Variants in TRAPPC9 observed in about 807,000 individuals in gnomAD.
TRAPPC9 encodes the protein trafficking protein particle complex subunit 9, also known as IKK2 binding protein.
TRAPPC9 carries 83 observed loss-of-function variants against 124.0 expected under a neutral mutation model. The observed-to-expected ratio is 0.67, with a 90% CI of 0.56 to 0.80. The LOEUF (loss-of-function observed/expected upper bound fraction) is 0.80, where lower values mean the gene tolerates loss of function less well. Among genes scored for constraint, TRAPPC9 ranks in the 30% least tolerant of loss-of-function variants. The probability of loss-of-function intolerance (pLI) is 0.00; values close to 1 mark genes in which losing one functional copy is unlikely to be tolerated. For missense variants in TRAPPC9, 1,302 were observed against 1,508.3 expected, an observed-to-expected ratio of 0.86 and a Z score of 2.27; for synonymous variants, 638 against 617.5, an observed-to-expected ratio of 1.03 and a Z score of -0.49.
intron 7 of TRAPPC9, among the ~76,000 whole-genome samples, chr8:140,393,177 T>C (rs2068982470): frequency 6.6e-6 from 1 of 152,070 alleles, no homozygotes; most frequent in Admixed American, 6.6e-5. Context: ...GTTCAAGCGA[T>C]TCTCCTCCCT....
At chr8:139,749,852 G>A (rs1244352095) in intron 21 of TRAPPC9, among the ~76,000 whole-genome samples, 1 of 152,212 alleles carries the variant, frequency 6.6e-6, no homozygotes, top group African/African-American at 2.4e-5. Context: ...GCACCTCCCT[G>A]CTGAGACTCT....
At chr8:139,766,880 C>T (rs1820618731) in intron 21 of TRAPPC9, among the ~76,000 whole-genome samples, 1 of 152,276 alleles carries the variant, frequency 6.6e-6, no homozygotes, top group African/African-American at 2.4e-5. Context: ...GAGGGAATTG[C>T]TGTCTTGTGC....
At chr8:140,033,597 C>T (rs1038192049) in intron 17 of TRAPPC9, among the ~76,000 whole-genome samples, 1 of 132,986 alleles carries the variant, frequency 7.5e-6, no homozygotes, top group African/African-American at 2.8e-5. Context: ...AGTTAGAATA[C>T]AAAATTTGTC....
intron 10 of TRAPPC9, among the ~76,000 whole-genome samples, chr8:140,301,439 G>A (rs928465533): frequency 1.3e-5 from 2 of 152,196 alleles, no homozygotes; most frequent in African/African-American, 4.8e-5. Context: ...TCATCAATAA[G>A]GAAACTCACG....
At chr8:140,198,340 A>G (rs2062713738) in intron 17 of TRAPPC9, among the ~76,000 whole-genome samples, 1 of 152,222 alleles carries the variant, frequency 6.6e-6, no homozygotes, top group Non-Finnish European at 1.5e-5. Flanking sequence ...GGAGTCACGC[A>G]GATGGAGGCT....
intron 7 of TRAPPC9, among the ~76,000 whole-genome samples, chr8:140,384,944 A>C (rs967448140): frequency 4.6e-5 from 7 of 152,242 alleles, no homozygotes; most frequent in African/African-American, 1.7e-4. Context: ...GCAAAGGTAA[A>C]AGAACAGAAA....
chr8:139,764,822 C>T (rs1432388843), intron 21 of TRAPPC9, among the ~76,000 whole-genome samples: 1 of 152,190 alleles, frequency 6.6e-6, no homozygotes, highest in East Asian at 1.9e-4. Context: ...CCGGTGCATC[C>T]AGTCTGCAGA....
chr8:140,249,342 G>A (rs2064069736), intron 16 of TRAPPC9, among the ~76,000 whole-genome samples: 1 of 152,092 alleles, frequency 6.6e-6, no homozygotes, highest in Non-Finnish European at 1.5e-5. Context: ...CATCCACGTT[G>A]CTGCAAAGGC....
At position 140,081,346 on chromosome 8, in the gene TRAPPC9, C is replaced by CATTTTTTTTT. The variant is rs35254769; in HGVS notation, c.2557-57268_2557-57267insAAAAAAAAAT. 2.1e-5 allele frequency among the ~76,000 whole-genome samples: 3 copies of CATTTTTTTTT among 141,050 alleles called. 1 individual carries two copies. The highest frequency in any genetic ancestry group is 3.0e-5 in the Non-Finnish European group (2 of 66,052). 92.5% of individuals were successfully genotyped at this position (141,050 alleles called of 152,430 possible). ...GTCAAGGTGAAGAATAAAATGAATGCTTTTTTTTTTTTTTTTTGAGACAGA... is the reference window on the plus strand; with the variant it reads ...GTCAAGGTGAAGAATAAAATGAATGCATTTTTTTTTTTTTTTTTTTTTTTTTTGAGACAGA... On this transcript the variant is annotated intron_variant, in intron 17 of 22. Transcript: ENST00000438773.
intron 19 of TRAPPC9, among the ~76,000 whole-genome samples, chr8:139,981,179 A>T (rs925245390): frequency 2.0e-5 from 3 of 152,128 alleles, no homozygotes; most frequent in African/African-American, 7.2e-5. Context: ...TTGTATCAGG[A>T]AAACTGTAAA....
intron 19 of TRAPPC9, among the ~76,000 whole-genome samples, chr8:139,935,669 CTTTTTTTT>C (rs377706417): frequency 7.5e-6 from 1 of 132,570 alleles, no homozygotes; most frequent in African/African-American, 2.8e-5. Context: ...TCAGTCTTTG[CTTTTTTTT>C]TTTTTTTTTT....
At chr8:140,047,986 G>C (rs1163141463) in intron 17 of TRAPPC9, among the ~76,000 whole-genome samples, 1 of 152,168 alleles carries the variant, frequency 6.6e-6, no homozygotes, top group Non-Finnish European at 1.5e-5. Context: ...GCTCAAACAA[G>C]GACGCATGTG....
At chr8:139,968,832 A>G (rs1835883223) in intron 19 of TRAPPC9, among the ~76,000 whole-genome samples, 1 of 152,098 alleles carries the variant, frequency 6.6e-6, no homozygotes, top group South Asian at 2.1e-4. Flanking sequence ...AGGTTAAGTC[A>G]CTGACCCGAG....
At position 140,315,209 on chromosome 8, in the gene TRAPPC9, T is replaced by A. The variant is rs571970517; in HGVS notation, c.1496-3835A>T. ...ATTAGTGATGTTAAGCATTTTTTCA[T>A]ACATCTTTTGGCCATTTGTATGTCT... On this transcript the variant is annotated intron_variant, in intron 9 of 22. Transcript: ENST00000438773. Among the ~76,000 whole-genome samples, 165 of 149,534 alleles carry A rather than the reference T, an allele frequency of 1.1e-3. 2 individuals carry two copies. In the South Asian group the frequency reaches 0.034, roughly 31 times the overall value.
At position 139,732,090 on chromosome 8, in the gene TRAPPC9, C is replaced by A; in HGVS notation, c.3168G>T (p.Gly1056=). The A allele has an allele frequency of 6.2e-7, 1 of 1,605,606 alleles. No individual in the cohort carries two copies. ...AGGGGACCACAGTGAGGGCGAAGGGCCCTACGCTGCGCGGGCTCCGGTTGG... is the reference window on the plus strand; with the variant it reads ...AGGGGACCACAGTGAGGGCGAAGGGACCTACGCTGCGCGGGCTCCGGTTGG... ...RLTNRSPRSV[G]PFALTVVPFQ... The change falls in exon 22 of 23, where the codon GGG becomes GGT. Residue 1056 remains glycine (G), a synonymous_variant. Coordinates refer to ENST00000438773, the MANE Select transcript of TRAPPC9 (RefSeq NM_001160372.4).
At chr8:140,142,219 T>A (rs2061393371) in intron 17 of TRAPPC9, among the ~76,000 whole-genome samples, 1 of 152,240 alleles carries the variant, frequency 6.6e-6, no homozygotes, top group South Asian at 2.1e-4. Context: ...ACACACGGCA[T>A]CTCGTGCACA....
intron 17 of TRAPPC9, among the ~76,000 whole-genome samples, chr8:140,174,241 G>A (rs2062019398): frequency 6.6e-6 from 1 of 152,030 alleles, no homozygotes; most frequent in Non-Finnish European, 1.5e-5. Flanking sequence ...GGTGGGAGGA[G>A]GGAGAGAAGC....
intron 17 of TRAPPC9, among the ~76,000 whole-genome samples, chr8:140,197,988 T>C (rs2062708008): frequency 2.6e-5 from 4 of 152,228 alleles, no homozygotes; most frequent in Admixed American, 1.3e-4. Context: ...ACTGGCCATC[T>C]AGTCTCCAAG....
intron 17 of TRAPPC9, among the ~76,000 whole-genome samples, chr8:140,220,302 C>G (rs1191276246): frequency 1.3e-5 from 2 of 152,202 alleles, no homozygotes; most frequent in Non-Finnish European, 2.9e-5. Context: ...AGACAGCACC[C>G]TCCCGTACTT....
Sources: gnomAD v4.1 joint callset for allele counts (sites outside exome capture counted in the v4.1 genomes callset) on GRCh38, gnomAD v4.1.1 for gene constraint, MANE v1.5 for transcripts, NCBI Gene and HGNC (gene_info 2026-07-23, HGNC 2026-07-21) for gene names.